The following SLC25A28 variants were observed in gnomAD, a reference collection of about 807,000 sequenced individuals.
The protein encoded by SLC25A28 is solute carrier family 25 member 28, also known as mitoferrin-2.
SLC25A28 carries 10 observed loss-of-function variants against 31.9 expected under a neutral mutation model. The observed-to-expected ratio is 0.31, with a 90% CI of 0.19 to 0.53. SLC25A28 has a LOEUF of 0.53. Among genes scored for constraint, SLC25A28 ranks in the 20% least tolerant of loss-of-function variants. The pLI, the probability that SLC25A28 is intolerant of heterozygous loss-of-function variation, is 0.95. For missense variants in SLC25A28, 256 were observed against 490.3 expected (o/e 0.52, Z 4.51); for synonymous variants, 208 against 203.6 (o/e 1.02, Z -0.19).
Position 99,613,265 on chromosome 10 carries a change from G to C in SLC25A28, c.520+431C>G, listed in dbSNP as rs1447240535. Reference sequence around the variant, plus strand: ...AACACAAACTGCCTCTGGTGAGTTGGGATCCTGAAAAGGTGAGGCAAAAAG... The same window carrying C: ...AACACAAACTGCCTCTGGTGAGTTGCGATCCTGAAAAGGTGAGGCAAAAAG... On this transcript the variant is annotated intron_variant, in intron 2 of 3. Coordinates refer to ENST00000370495, the MANE Select transcript of SLC25A28 (RefSeq NM_031212.4). This position sits in a 1 kb window ranked among gnomAD's most constrained non-coding sequence, Gnocchi z 4.9. 2.6e-5 allele frequency among the ~76,000 whole-genome samples: 4 copies of C among 152,126 alleles called. No homozygotes were observed. Among genetic ancestry groups the C allele is most frequent in the Admixed American group, 6.5e-5 (1 of 15,280 alleles).
At chr10:99,612,719 C>G (rs745480170) in intron 2 of SLC25A28, 120 bp from the exon 3 acceptor site, 3 of 1,142,716 alleles carry the variant, frequency 2.6e-6, no homozygotes, top group Non-Finnish European at 3.9e-6. Context: ...ACGTTAAGAG[C>G]TAGTCCAAAA....
chr10:99,643,820 T>C, the SLC25A28 span, among the ~76,000 whole-genome samples: 1 of 152,256 alleles, frequency 6.6e-6, no homozygotes, highest in South Asian at 2.1e-4. Flanking sequence ...CATTTCATTA[T>C]GTACCCAGTA....
the SLC25A28 span, among the ~76,000 whole-genome samples, chr10:99,634,731 T>C: frequency 6.6e-6 from 1 of 152,222 alleles, no homozygotes; most frequent in African/African-American, 2.4e-5. Flanking sequence ...GGGGAAATGA[T>C]TGATGAAAAC....
At chr10:99,620,744 A>G (rs1466257249), upstream of SLC25A28, 1 of 985,366 alleles carries the variant, frequency 1.0e-6, no homozygotes, top group Non-Finnish European at 1.2e-6. Flanking sequence ...ACCACTCTTG[A>G]TACTTTGACC....
At chr10:99,646,272 C>A in the SLC25A28 span, among the ~76,000 whole-genome samples, 1 of 152,322 alleles carries the variant, frequency 6.6e-6, no homozygotes, top group South Asian at 2.1e-4. Context: ...GACGCCCCTC[C>A]CCCAGCCTCA....
upstream of SLC25A28, chr10:99,620,725 AT>A: frequency 6.1e-6 from 6 of 985,624 alleles, no homozygotes; most frequent in Non-Finnish European, 6.0e-6. Context: ...CTGAACTTTG[AT>A]AGGCTCAACC....
upstream of SLC25A28, chr10:99,620,783 C>T (rs2034774090): frequency 3.0e-6 from 3 of 985,348 alleles, no homozygotes; most frequent in African/African-American, 1.7e-5. Context: ...CACGTCGGTC[C>T]CCGATTGGCT....
At chr10:99,653,619 C>T in the SLC25A28 span, among the ~76,000 whole-genome samples, 1 of 152,174 alleles carries the variant, frequency 6.6e-6, no homozygotes, top group Non-Finnish European at 1.5e-5. Context: ...CGTTTTCTTC[C>T]GTCTTATCTG....
chr10:99,647,771 G>T, the SLC25A28 span, among the ~76,000 whole-genome samples: 1 of 152,144 alleles, frequency 6.6e-6, no homozygotes, highest in Non-Finnish European at 1.5e-5. Context: ...TTTCTTTGAA[G>T]ATGTTTATAG....
the SLC25A28 span, among the ~76,000 whole-genome samples, chr10:99,643,804 T>C: frequency 1.4e-4 from 21 of 152,322 alleles, no homozygotes; most frequent in East Asian, 3.3e-3. Context: ...TCTTTATTTC[T>C]GCCTTCATTT....
At chr10:99,647,890 G>A in the SLC25A28 span, among the ~76,000 whole-genome samples, 2 of 152,196 alleles carry the variant, frequency 1.3e-5, no homozygotes, top group African/African-American at 2.4e-5. Context: ...AATTTTCCTA[G>A]CACCATTTGT....
chr10:99,656,428 T>C, the SLC25A28 span, among the ~76,000 whole-genome samples: 2 of 152,184 alleles, frequency 1.3e-5, no homozygotes, highest in African/African-American at 4.8e-5. Context: ...CAGGGTATTT[T>C]GTCAAGATGG....
At chr10:99,616,580 A>T in intron 1 of SLC25A28, 1 of 985,264 alleles carries the variant, frequency 1.0e-6, no homozygotes, top group Non-Finnish European at 1.2e-6. Flanking sequence ...TTAATTTTGT[A>T]TTTTTTGTTT....
the SLC25A28 span, among the ~76,000 whole-genome samples, chr10:99,643,260 T>G: frequency 1.3e-5 from 2 of 152,210 alleles, no homozygotes; most frequent in African/African-American, 4.8e-5. Context: ...TACCAATCTA[T>G]TCAGGGATTC....
At position 99,613,305 on chromosome 10, in the gene SLC25A28, G is replaced by C. The variant is rs1485542325; in HGVS notation, c.520+391C>G. On this transcript the variant is annotated intron_variant, in intron 2 of 3. Coordinates refer to ENST00000370495, the MANE Select transcript of SLC25A28 (RefSeq NM_031212.4). The surrounding 1 kb of genome is among the most constrained non-coding windows in gnomAD (Gnocchi z 4.9). ...GAGGCAAAAAGCAGGGGCTTCATTAGTATCTTCCTTGGGTGGCTGGCTGGG... is the reference window on the plus strand; with the variant it reads ...GAGGCAAAAAGCAGGGGCTTCATTACTATCTTCCTTGGGTGGCTGGCTGGG... 1.2e-6 allele frequency: 1 copy of C among 848,954 alleles called. No homozygotes were observed. Among genetic ancestry groups the C allele is most frequent in the African/African-American group, 1.8e-5 (1 of 54,400 alleles). 52.6% of individuals were successfully genotyped at this position (848,954 alleles called of 1,614,324 possible).
At chr10:99,636,046 G>A in the SLC25A28 span, among the ~76,000 whole-genome samples, 10 of 152,258 alleles carry the variant, frequency 6.6e-5, no homozygotes, top group South Asian at 1.9e-3. Context: ...CTCCACTGAC[G>A]GCACTAGACA....
chr10:99,628,207 G>A, the SLC25A28 span, among the ~76,000 whole-genome samples: 1 of 152,104 alleles, frequency 6.6e-6, no homozygotes, highest in African/African-American at 2.4e-5. Context: ...TTTTATGCTG[G>A]GAAGTAATAA....
At chr10:99,653,460 T>A in the SLC25A28 span, among the ~76,000 whole-genome samples, 2,222 of 152,260 alleles carry the variant, frequency 0.015, 61 homozygotes, top group African/African-American at 0.05. Flanking sequence ...TGCAACCTCA[T>A]GAGAAGATCC....
the SLC25A28 span, among the ~76,000 whole-genome samples, chr10:99,634,058 G>T: frequency 1.4e-4 from 21 of 152,170 alleles, no homozygotes; most frequent in African/African-American, 5.1e-4. Context: ...AACAATCATT[G>T]CAGCTTGGCT....
Sources: gnomAD v4.1 joint callset for allele counts (sites outside exome capture counted in the v4.1 genomes callset) on GRCh38, gnomAD v4.1.1 for gene constraint, Gnocchi (gnomAD v3.1) non-coding constraint, MANE v1.5 for transcripts, NCBI Gene and HGNC (gene_info 2026-07-23, HGNC 2026-07-21) for gene names.